Variants in TTN observed in about 807,000 individuals in gnomAD.
TTN encodes the protein titin.
In TTN, 1,525 loss-of-function variants were observed where a neutral mutation model predicts 3,223.0. That is an observed-to-expected ratio of 0.47 (90% CI 0.45 to 0.49). The LOEUF (loss-of-function observed/expected upper bound fraction) is 0.49, where lower values mean the gene tolerates loss of function less well. TTN is among the 20% of genes least tolerant of loss of function. The pLI, the probability that TTN is intolerant of heterozygous loss-of-function variation, is 0.00. For missense variants in TTN, 40,786 were observed against 43,424.0 expected, an observed-to-expected ratio of 0.94 and a Z score of 5.40; for synonymous variants, 14,094 against 15,161.0, an observed-to-expected ratio of 0.93 and a Z score of 5.17.
intron 200 of TTN, 42 bp downstream of exon 200, chr2:178,652,804 TAG>T (rs1305461925): frequency 6.2e-7 from 1 of 1,606,402 alleles, no homozygotes; most frequent in Non-Finnish European, 8.5e-7. Flanking sequence ...TTTTCAAGAA[TAG>T]AGGAGTTTGA....
intron 166 of TTN, 43 bp downstream of exon 166, chr2:178,664,809 T>C: frequency 6.2e-7 from 1 of 1,609,864 alleles, no homozygotes; most frequent in Non-Finnish European, 8.5e-7. Flanking sequence ...TTCTCAAAAC[T>C]ACAAGAGCTA....
chr2:178,740,864 G>A lies in TTN; in HGVS notation c.12369C>T (p.Leu4123=), dbSNP rs372053333. 84 of 1,613,752 alleles carry A rather than the reference G, an allele frequency of 5.2e-5. No homozygotes were observed. The highest frequency in any genetic ancestry group is 7.0e-5 in the Non-Finnish European group (82 of 1,179,836). ...ELQSILEQDK[L]TPESTREFLC... ...GAAATTCCCTGGTGCTTTCAGGAGT[G>A]AGCTTGTCTTGCTCCAAAATGGATT... The change falls in exon 48 of 363, where the codon CTC becomes CTT. Residue 4123 remains leucine, a synonymous_variant. Transcript: ENST00000589042.
chr2:178,632,296 T>C lies in TTN; in HGVS notation c.43598A>G (p.Asp14533Gly). 1.2e-6 allele frequency: 2 copies of C among 1,609,670 alleles called. No individual in the cohort carries two copies. The highest frequency in any genetic ancestry group is 1.7e-6 in the Non-Finnish European group (2 of 1,177,916). Residue 14533 changes from aspartate (D) to glycine (G), a missense_variant, in exon 236 of 363, where the codon GAC becomes GGC. By Grantham distance (94) the Asp-to-Gly change is moderately conservative. Transcript: ENST00000589042. ...DNIRVKWFKN[D>G]QRLHTTRSVS... ...CGACCTGGTGGTGTGTAGGCGCTGG[T>C]CATTCTTGAACCATTTAACTCGGAT...
At position 178,794,400 on chromosome 2, in the gene TTN, T is replaced by G. The variant is rs150282120; in HGVS notation, c.1397A>C (p.Gln466Pro). 1.2e-6 allele frequency: 2 copies of G among 1,614,064 alleles called. No individual in the cohort carries two copies. Among genetic ancestry groups the G allele is most frequent in the African/African-American group, 2.7e-5 (2 of 74,942 alleles). Residue 466 changes from glutamine to proline, a missense_variant and splice_region_variant, in exon 8 of 363, where the codon CAG (glutamine) becomes CCG (proline). Transcript: ENST00000589042. ...GCCCCATGGCAGCCTCGCACGTACC[T>G]GTTCTTGAGCAGGTTGGATGTGCAC... The part of the protein sequence containing the change: ...TAVHIQPAQE[Q>P]VRKEAEKTAV...
At position 178,784,149 on chromosome 2, in the gene TTN, T is replaced by C. The variant is rs1344547208; in HGVS notation, c.2696A>G (p.Lys899Arg). The change falls in exon 16 of 363, where the codon AAA (lysine) becomes AGA (arginine). Residue 899 changes from lysine to arginine, a missense_variant. By Grantham distance (26) the Lys-to-Arg change is conservative. Transcript: ENST00000589042. ...AGTGATGCTCACCCCTACTTCCTTT[T>C]TCACCTCAACGCCAGCTTCACTCTT... ...TYKSEAGVEVKKEVGVSITGT... is the reference protein window; with the variant it reads ...TYKSEAGVEVRKEVGVSITGT... 6.2e-7 allele frequency: 1 copy of C among 1,614,144 alleles called. No individual in the cohort carries two copies. Among genetic ancestry groups the C allele is most frequent in the Non-Finnish European group, 8.5e-7 (1 of 1,179,996 alleles).
In TTN at chr2:178,551,841, A is replaced by G; in HGVS notation, c.91059T>C (p.Gly30353=). The G allele has an allele frequency of 1.9e-6, 3 of 1,613,914 alleles. No individual in the cohort carries two copies. Among genetic ancestry groups the G allele is most frequent in the Non-Finnish European group, 2.5e-6 (3 of 1,179,832 alleles). Residue 30353 remains glycine (G), a synonymous_variant, in exon 335 of 363, where the codon GGT becomes GGC. Coordinates refer to ENST00000589042, the MANE Select transcript of TTN (RefSeq NM_001267550.2). ...CAACATGGAATCCAGTAACTTCTGA[A>G]CCACCATCATAAACTGGAGCATCCC... ...LTWDAPVYDG[G]SEVTGFHVEK...
In TTN at chr2:178,534,398, A is replaced by G. The variant is rs1006736251; in HGVS notation, c.102217T>C (p.Leu34073=). ...TASEALQHPW[L]KQKIERVSTK... Reference sequence around the variant, plus strand: ...CTGACTCTTTCTATCTTCTGCTTCAACCATGGGTGCTGGAGAGCCTCCGAT... The same window carrying G: ...CTGACTCTTTCTATCTTCTGCTTCAGCCATGGGTGCTGGAGAGCCTCCGAT... Residue 34073 remains leucine (L), a synonymous_variant, in exon 358 of 363, where the codon TTG becomes CTG. Coordinates refer to ENST00000589042, the MANE Select transcript of TTN (RefSeq NM_001267550.2). The G allele has an allele frequency of 6.2e-6, 10 of 1,610,844 alleles. No homozygotes were observed. The highest frequency in any genetic ancestry group is 4.5e-5 in the East Asian group (2 of 44,886).
intron 104 of TTN, 48 bp from the exon 105 acceptor site, chr2:178,704,825 A>G: frequency 6.2e-7 from 1 of 1,609,212 alleles, no homozygotes; most frequent in Non-Finnish European, 8.5e-7. Flanking sequence ...TTCCCTTATA[A>G]TAATACTCAA....
In TTN at chr2:178,674,420, A is replaced by T; in HGVS notation, c.34613-11T>A. 7.1e-7 allele frequency: 1 copy of T among 1,410,148 alleles called. No individual in the cohort carries two copies. The highest frequency in any genetic ancestry group is 9.6e-7 in the Non-Finnish European group (1 of 1,044,962). The allele number at this position is 1,410,148 out of a possible 1,614,324, so 87.4% of individuals were successfully genotyped here. Reference sequence around the variant, plus strand: ...CAGGCTCCTCAGTCACTTTAAAAAGATTATTATTTTGTAAATTATTTTTAT... The same window carrying T: ...CAGGCTCCTCAGTCACTTTAAAAAGTTTATTATTTTGTAAATTATTTTTAT... On this transcript the variant is annotated splice_polypyrimidine_tract_variant and intron_variant, in intron 150 of 362. Coordinates refer to ENST00000589042, the MANE Select transcript of TTN (RefSeq NM_001267550.2).
At position 178,620,055 on chromosome 2, in the gene TTN, C is replaced by G. The variant is rs964036554; in HGVS notation, c.46362G>C (p.Leu15454=). The G allele has an allele frequency of 1.9e-6, 3 of 1,611,920 alleles. No individual in the cohort carries two copies. The highest frequency in any genetic ancestry group is 2.5e-6 in the Non-Finnish European group (3 of 1,178,802). ...CGCAAGCATATTCACACTCATCATC[C>G]AGCCTGCAATCTTTTATAATGAGTC... is the stretch of plus-strand genomic sequence containing the variant. ...IHRLIIKDCR[L]DDECEYACGV... Residue 15454 remains leucine, a synonymous_variant, in exon 249 of 363, where the codon CTG becomes CTC. Transcript: ENST00000589042.
chr2:178,752,857 T>C (rs1561053889), intron 47 of TTN, among the ~76,000 whole-genome samples: 1 of 152,090 alleles, frequency 6.6e-6, no homozygotes, highest in African/African-American at 2.4e-5. Context: ...TATACACTTT[T>C]GGAAATGACT....
chr2:178,686,427 A>AT (rs34396080), intron 127 of TTN, among the ~76,000 whole-genome samples: 124,637 of 151,474 alleles, frequency 0.82, 51,536 homozygotes, highest in East Asian at 0.99. Context: ...GCCAGTTTTA[A>AT]TTTTTTTTAA....
Position 178,593,099 on chromosome 2 carries a change from A to G in TTN, c.59036-16T>C. On this transcript the variant is annotated splice_polypyrimidine_tract_variant and intron_variant, in intron 299 of 362. Coordinates refer to ENST00000589042, the MANE Select transcript of TTN (RefSeq NM_001267550.2). ...CTTGGTTTAGCTAAAAAATAAAAGT[A>G]AAAAACGAATTAGCATATAGCTGAA... 6.2e-7 allele frequency: 1 copy of G among 1,611,230 alleles called. No homozygotes were observed. The highest frequency in any genetic ancestry group is 8.5e-7 in the Non-Finnish European group (1 of 1,179,044).
chr2:178,549,762 G>A lies in TTN; in HGVS notation c.91960C>T (p.His30654Tyr). Residue 30654 changes from histidine (H) to tyrosine (Y), a missense_variant, in exon 338 of 363, where the codon CAC becomes TAC. By Grantham distance (83) the His-to-Tyr change is moderately conservative. Transcript: ENST00000589042. ...PLNDGCAPITHYIIEKRETSR... is the reference protein window; with the variant it reads ...PLNDGCAPITYYIIEKRETSR... ...GTTTCCCGTTTTTCAATGATGTAGT[G>A]GGTTATGGGAGCACAACCGTCATTG... is the stretch of plus-strand genomic sequence containing the variant. 6.2e-7 allele frequency: 1 copy of A among 1,613,652 alleles called. No homozygotes were observed. Among genetic ancestry groups the A allele is most frequent in the Non-Finnish European group, 8.5e-7 (1 of 1,179,696 alleles).
Position 178,621,663 on chromosome 2 carries a change from A to C in TTN, c.45161T>G (p.Val15054Gly). ...AATCACTTCTGCGCCAGGTTTGGAG[A>C]CTTCACAAACCAGTTTTATAGTGTC... ...ETDTIKLVCE[V>G]SKPGAEVIWY... The change falls in exon 245 of 363, where the codon GTC becomes GGC. Residue 15054 changes from valine to glycine, a missense_variant. Coordinates refer to ENST00000589042, the MANE Select transcript of TTN (RefSeq NM_001267550.2). 1 of 1,612,304 alleles carries C rather than the reference A, an allele frequency of 6.2e-7. No homozygotes were observed. The highest frequency in any genetic ancestry group is 1.1e-5 in the South Asian group (1 of 91,038).
rs879114879 is a variant in TTN, at chr2:178,782,810, C to T, written c.3096G>A (p.Val1032=). ...GTVSTSCYLA[V]QVSEEFEKET... is the part of the protein sequence containing the mutation. ...TGTGGGAGGGTGGCCACTAACCCTG[C>T]ACAGCCAGATAGCAGGATGTGCTGA... Residue 1032 remains valine (V), a synonymous_variant, in exon 18 of 363, where the codon GTG becomes GTA. Coordinates refer to ENST00000589042, the MANE Select transcript of TTN (RefSeq NM_001267550.2). 3 of 1,612,678 alleles carry T rather than the reference C, an allele frequency of 1.9e-6. No homozygotes were observed. The highest frequency in any genetic ancestry group is 2.7e-5 in the African/African-American group (2 of 74,880).
Position 178,733,848 on chromosome 2 carries a change from C to G in TTN, c.15541G>C (p.Gly5181Arg). 6.2e-7 allele frequency: 1 copy of G among 1,608,268 alleles called. No individual in the cohort carries two copies. The highest frequency in any genetic ancestry group is 8.5e-7 in the Non-Finnish European group (1 of 1,175,754). ...VKKVDDLIAL[G>R]GQTVTLQAAV... is the part of the protein sequence containing the mutation. Reference sequence around the variant, plus strand: ...GCTTGCAGGGTAACGGTTTGTCCTCCTAGTGCAATCAAATCATCTACTTTC... The same window carrying G: ...GCTTGCAGGGTAACGGTTTGTCCTCGTAGTGCAATCAAATCATCTACTTTC... The change falls in exon 53 of 363, where the codon GGA becomes CGA. Residue 5181 changes from glycine (G) to arginine (R), a missense_variant. Gly to Arg is a moderately radical substitution (Grantham distance 125, BLOSUM62 -2). Coordinates refer to ENST00000589042, the MANE Select transcript of TTN (RefSeq NM_001267550.2).
intron 2 of TTN, among the ~76,000 whole-genome samples, chr2:178,803,811 C>T (rs2094182391): frequency 6.6e-6 from 1 of 151,654 alleles, no homozygotes; most frequent in Admixed American, 6.6e-5. Flanking sequence ...ATACACTACT[C>T]TCCATTTTTT....
Position 178,696,280 on chromosome 2 carries a change from TAA to T in TTN, c.30803-13_30803-12del. 6.6e-7 allele frequency: 1 copy of T among 1,508,488 alleles called. No homozygotes were observed. The highest frequency in any genetic ancestry group is 8.8e-7 in the Non-Finnish European group (1 of 1,133,562). The allele number at this position is 1,508,488 out of a possible 1,614,324, so 93.4% of individuals were successfully genotyped here. ...CAATGATTTCAGGAGCTAAAATAGA[TAA>T]AGATACTATTAGCATATTAATTCTA... On this transcript the variant is annotated splice_polypyrimidine_tract_variant and intron_variant, in intron 113 of 362. Transcript: ENST00000589042.
Sources: gnomAD v4.1 joint callset for allele counts (sites outside exome capture counted in the v4.1 genomes callset) on GRCh38, gnomAD v4.1.1 for gene constraint, MANE v1.5 for transcripts, NCBI Gene and HGNC (gene_info 2026-07-23, HGNC 2026-07-21) for gene names.